SRGAP2: variants seen among roughly 807,000 people sequenced by gnomAD.
The protein encoded by SRGAP2 is SLIT-ROBO Rho GTPase-activating protein 2.
In SRGAP2, 15 loss-of-function variants were observed where a neutral mutation model predicts 57.2. The ratio of observed to expected loss-of-function variants is 0.26; its 90% CI spans 0.18 to 0.40. The LOEUF (loss-of-function observed/expected upper bound fraction) is 0.40. Ranked by LOEUF, SRGAP2 falls within the 10% of genes least tolerant of loss-of-function variation. The pLI, the probability that SRGAP2 is intolerant of heterozygous loss-of-function variation, is 1.00. For missense variants in SRGAP2, 520 were observed against 669.6 expected (o/e 0.78, Z 2.47); for synonymous variants, 249 against 248.0 (o/e 1.00, Z -0.04).
intron 2 of SRGAP2, among the ~76,000 whole-genome samples, chr1:206,260,475 A>C (rs1435909291): frequency 6.6e-6 from 1 of 151,990 alleles, no homozygotes; most frequent in African/African-American, 2.4e-5. Flanking sequence ...TGTGGGTGTC[A>C]CTCTTAATAG....
intron 3 of SRGAP2, among the ~76,000 whole-genome samples, chr1:206,332,860 G>T (rs1434736490): frequency 6.6e-6 from 1 of 151,010 alleles, no homozygotes; most frequent in Non-Finnish European, 1.5e-5. Flanking sequence ...GAGGAACTGC[G>T]TTCCTTTGGA....
intron 3 of SRGAP2, among the ~76,000 whole-genome samples, chr1:206,334,848 G>A (rs1401941623): frequency 6.9e-6 from 1 of 145,524 alleles, no homozygotes; most frequent in African/African-American, 2.8e-5. Context: ...ACACATCTGT[G>A]TGTATTTTTT....
chr1:206,463,561 G>C lies in SRGAP2; in HGVS notation c.*2141G>C, dbSNP rs1380708319. ...AGCTTTCTTAATGGCAACACTTTGG[G>C]CCTGTTCTGTTGCTCCTGCCTTATT... On this transcript the variant is annotated 3_prime_UTR_variant, in exon 23 of 23. Transcript: ENST00000573034. 1 of 152,624 alleles carries C rather than the reference G, an allele frequency of 6.6e-6. No homozygotes were observed. Among genetic ancestry groups the C allele is most frequent in the African/African-American group, 2.4e-5 (1 of 41,430 alleles). 9.5% of individuals were successfully genotyped at this position (152,624 alleles called of 1,614,324 possible). A position where few individuals can be genotyped will look rare whatever the true frequency, so the allele number is the denominator to read the frequency against.
rs559341447 is a variant in SRGAP2, at chr1:206,450,011, G to A, written c.2100-375G>A. On this transcript the variant is annotated intron_variant, in intron 18 of 22. Coordinates refer to ENST00000573034, the MANE Select transcript of SRGAP2 (RefSeq NM_015326.5). ...TTCGAATCCAGTTTTATCTGATGCCGAAACCCAGTGTTTCCCTTCCACCCT... is the reference window on the plus strand; with the variant it reads ...TTCGAATCCAGTTTTATCTGATGCCAAAACCCAGTGTTTCCCTTCCACCCT... Among the ~76,000 whole-genome samples the A allele has an allele frequency of 7.9e-5, 12 of 152,234 alleles. No individual in the cohort carries two copies. The South Asian group carries it at 8.3e-4, about 11-fold the overall frequency.
At position 206,333,446 on chromosome 1, in the gene SRGAP2, C is replaced by T. The variant is rs1571882422; in HGVS notation, c.261-9400C>T. Reference sequence around the variant, plus strand: ...ATCACTGAGATTATCCATGTTGCTCCCCGAGGGTGAGGAACCGGCGGGGCG... The same window carrying T: ...ATCACTGAGATTATCCATGTTGCTCTCCGAGGGTGAGGAACCGGCGGGGCG... On this transcript the variant is annotated intron_variant, in intron 3 of 22. Transcript: ENST00000573034. 3 of 1,490,934 alleles carry T rather than the reference C, an allele frequency of 2.0e-6. No homozygotes were observed. The East Asian group carries it at 6.8e-5, about 34-fold the overall frequency. The allele number at this position is 1,490,934 out of a possible 1,614,324, so 92.4% of individuals were successfully genotyped here. A position where few individuals can be genotyped will look rare whatever the true frequency, so the allele number is the denominator to read the frequency against.
intron 4 of SRGAP2, among the ~76,000 whole-genome samples, chr1:206,346,419 A>C (rs1459624294): frequency 6.6e-6 from 1 of 152,228 alleles, no homozygotes; most frequent in African/African-American, 2.4e-5. Flanking sequence ...TGTGATAGGT[A>C]AATTGTAATC....
chr1:206,365,631 A>G (rs1553341483), intron 4 of SRGAP2, among the ~76,000 whole-genome samples: 1 of 132,652 alleles, frequency 7.5e-6, no homozygotes, highest in Non-Finnish European at 1.6e-5. Flanking sequence ...CTTGGCGTCC[A>G]CAAATCAACT....
intron 4 of SRGAP2, among the ~76,000 whole-genome samples, chr1:206,366,598 C>G (rs1435022663): frequency 1.3e-5 from 2 of 152,072 alleles, no homozygotes; most frequent in Admixed American, 6.5e-5. Flanking sequence ...ATAACTACAG[C>G]AAGCAATTCT....
chr1:206,460,491 G>C (rs536826948), intron 22 of SRGAP2, among the ~76,000 whole-genome samples: 217 of 152,208 alleles, frequency 1.4e-3, no homozygotes, highest in Middle Eastern at 3.4e-3. Flanking sequence ...GGAGGGGCGG[G>C]GGGAGGCGTA....
intron 2 of SRGAP2, among the ~76,000 whole-genome samples, chr1:206,229,927 TACATACAC>T (rs1270837285): frequency 1.8e-5 from 2 of 113,296 alleles, no homozygotes; most frequent in African/African-American, 7.8e-5. Context: ...TATGTACACA[TACATACAC>T]ACACACACAC....
chr1:206,223,069 C>G (rs1381733900), intron 2 of SRGAP2, among the ~76,000 whole-genome samples: 1 of 151,714 alleles, frequency 6.6e-6, no homozygotes, highest in Admixed American at 6.6e-5. Flanking sequence ...CCACCGTGCC[C>G]GGCCTCAGAG....
chr1:206,452,690 CA>C (rs1553376378), intron 19 of SRGAP2, among the ~76,000 whole-genome samples: 4 of 151,942 alleles, frequency 2.6e-5, no homozygotes, highest in African/African-American at 4.8e-5. Flanking sequence ...AGATCAAGAC[CA>C]TCCTGGCTAA....
At chr1:206,239,389 C>T (rs1335144573) in intron 2 of SRGAP2, among the ~76,000 whole-genome samples, 1 of 151,100 alleles carries the variant, frequency 6.6e-6, no homozygotes, top group Admixed American at 6.6e-5. Context: ...AAAGAAGAGC[C>T]GTAGCTAGTA....
intron 4 of SRGAP2, among the ~76,000 whole-genome samples, chr1:206,366,476 A>T (rs1328023057): frequency 1.3e-5 from 2 of 151,930 alleles, no homozygotes; most frequent in Admixed American, 1.3e-4. Context: ...CATGCCAGAG[A>T]CACAGCTCAA....
chr1:206,427,107 CAT>C (rs1330267344), intron 13 of SRGAP2, among the ~76,000 whole-genome samples: 3 of 151,960 alleles, frequency 2.0e-5, no homozygotes, highest in African/African-American at 7.3e-5. Flanking sequence ...TCAGGTCTTA[CAT>C]TGAAGTCTTT....
intron 13 of SRGAP2, among the ~76,000 whole-genome samples, chr1:206,429,404 C>T (rs77859721): frequency 0.013 from 2,017 of 152,366 alleles, 36 homozygotes; most frequent in South Asian, 0.057. Context: ...CAACCCTGGA[C>T]ACCCAGGAAT....
chr1:206,417,661 C>A (rs977474534), intron 11 of SRGAP2, among the ~76,000 whole-genome samples: 4 of 152,052 alleles, frequency 2.6e-5, no homozygotes, highest in South Asian at 2.1e-4. Context: ...CTCAGGTGAT[C>A]TGCCGGCCTC....
intron 8 of SRGAP2, among the ~76,000 whole-genome samples, chr1:206,404,647 A>C (rs1339194202): frequency 6.6e-6 from 1 of 152,106 alleles, no homozygotes; most frequent in African/African-American, 2.4e-5. Flanking sequence ...GATCTAGGGA[A>C]GGCCTGGGGT....
At chr1:206,284,744 C>T (rs1441159911) in intron 2 of SRGAP2, among the ~76,000 whole-genome samples, 1 of 152,074 alleles carries the variant, frequency 6.6e-6, no homozygotes, top group Non-Finnish European at 1.5e-5. Context: ...CCACCATGCC[C>T]AGCCAACTTC....
Sources: gnomAD v4.1 joint callset for allele counts (sites outside exome capture counted in the v4.1 genomes callset) on GRCh38, gnomAD v4.1.1 for gene constraint, MANE v1.5 for transcripts, NCBI Gene and HGNC (gene_info 2026-07-23, HGNC 2026-07-21) for gene names.